The following ATP13A4 variants were observed in gnomAD, a reference collection of about 807,000 sequenced individuals.
The protein encoded by ATP13A4 is ATPase 13A4, also known as probable cation-transporting ATPase 13A4.
A neutral mutation model predicts 142.5 loss-of-function variants in ATP13A4; 114 were observed. The observed-to-expected ratio is 0.80, with a 90% confidence interval of 0.69 to 0.93. ATP13A4 has a LOEUF of 0.93. Ranked by LOEUF, ATP13A4 falls within the 40% of genes least tolerant of loss-of-function variation. The pLI, the probability that ATP13A4 is intolerant of heterozygous loss-of-function variation, is 0.00. For missense variants in ATP13A4, 1,392 were observed against 1,454.0 expected, an observed-to-expected ratio of 0.96 and a Z score of 0.69; for synonymous variants, 488 against 514.8, an observed-to-expected ratio of 0.95 and a Z score of 0.70.
At chr3:193,434,052 G>A (rs1716121359) in intron 24 of ATP13A4, 135 bp from the exon 25 acceptor site, 2 of 760,964 alleles carry the variant, frequency 2.6e-6, no homozygotes, top group Admixed American at 4.0e-5. Context: ...TTCGGGGCCT[G>A]GTTGAGTTGG....
chr3:193,459,145 A>C lies in ATP13A4; in HGVS notation c.1610T>G (p.Ile537Ser), dbSNP rs148189713. 28 of 1,614,094 alleles carry C rather than the reference A, an allele frequency of 1.7e-5. No individual in the cohort carries two copies. The highest frequency in any genetic ancestry group is 2.0e-5 in the Non-Finnish European group (24 of 1,180,048). ...CAAMASCHSL[I>S]LLDGTIQGDP... The stretch of plus-strand genomic sequence containing the variant: ...TCCCTGGATGGTCCCATCAAGAAGG[A>C]TCAGAGAGTGGCAGCTGGCCATCGC... Residue 537 changes from isoleucine (I) to serine (S), a missense_variant, in exon 14 of 30, where the codon ATC (isoleucine) becomes AGC (serine). Ile to Ser is a moderately radical substitution (Grantham distance 142). Coordinates refer to ENST00000342695, the MANE Select transcript of ATP13A4 (RefSeq NM_032279.4).
chr3:193,480,211 T>G (rs1004875665), intron 8 of ATP13A4, among the ~76,000 whole-genome samples: 3 of 152,158 alleles, frequency 2.0e-5, no homozygotes, highest in Non-Finnish European at 4.4e-5. Flanking sequence ...AGCCAAAGAC[T>G]TCATAACAAG....
chr3:193,536,494 C>A (rs999995976), intron 1 of ATP13A4, among the ~76,000 whole-genome samples: 1 of 151,946 alleles, frequency 6.6e-6, no homozygotes, highest in South Asian at 2.1e-4. Context: ...AAAGAGAATT[C>A]TTTCAACTTA....
chr3:193,443,560 GT>G (rs1313743526), intron 18 of ATP13A4, among the ~76,000 whole-genome samples: 7 of 152,136 alleles, frequency 4.6e-5, no homozygotes, highest in African/African-American at 1.7e-4. Flanking sequence ...AGGATTCAAA[GT>G]TTCATAACAT....
At chr3:193,476,274 T>C (rs936110579) in intron 8 of ATP13A4, among the ~76,000 whole-genome samples, 1 of 152,108 alleles carries the variant, frequency 6.6e-6, no homozygotes, top group African/African-American at 2.4e-5. Flanking sequence ...CCGTCCATTT[T>C]TATGTATGGA....
intron 3 of ATP13A4, among the ~76,000 whole-genome samples, chr3:193,493,973 A>G (rs1180851117): frequency 6.6e-6 from 1 of 152,064 alleles, no homozygotes; most frequent in African/African-American, 2.4e-5. Context: ...TGGAAACCAG[A>G]AAAGAGTAGA....
intron 22 of ATP13A4, 87 bp from the exon 23 acceptor site, chr3:193,438,671 CACAAGGTGG>C: frequency 4.3e-6 from 5 of 1,176,334 alleles, no homozygotes; most frequent in Non-Finnish European, 6.3e-6. Context: ...TTAAGCTGGC[CACAAGGTGG>C]TTTGTGTGCC....
intron 23 of ATP13A4, among the ~76,000 whole-genome samples, chr3:193,436,349 G>A (rs1452856200): frequency 1.3e-5 from 2 of 152,124 alleles, no homozygotes; most frequent in Non-Finnish European, 2.9e-5. Context: ...TGAATAAATA[G>A]TACACATTTA....
At chr3:193,554,574 A>G in intron 1 of ATP13A4, 166 bp downstream of exon 1, 2 of 815,456 alleles carry the variant, frequency 2.5e-6, no homozygotes, top group Non-Finnish European at 4.1e-6. Context: ...TACAGGATAG[A>G]GAGATTTCTC....
intron 9 of ATP13A4, among the ~76,000 whole-genome samples, chr3:193,469,445 G>A (rs1043233552): frequency 3.3e-5 from 5 of 152,116 alleles, no homozygotes; most frequent in East Asian, 3.9e-4. Flanking sequence ...GGCCAACATC[G>A]TGAAACGCCA....
At chr3:193,516,554 T>C (rs1721425585) in intron 1 of ATP13A4, among the ~76,000 whole-genome samples, 1 of 152,194 alleles carries the variant, frequency 6.6e-6, no homozygotes, top group African/African-American at 2.4e-5. Flanking sequence ...AGTGCCCTAG[T>C]CTTAATTTCC....
chr3:193,502,229 T>C (rs914707220), intron 3 of ATP13A4, among the ~76,000 whole-genome samples: 6 of 152,254 alleles, frequency 3.9e-5, no homozygotes, highest in African/African-American at 1.4e-4. Flanking sequence ...CTAAATTTAT[T>C]GAATTTTATC....
rs182791141 is a variant in ATP13A4, at chr3:193,491,820, C to G, written c.534-422G>C. On this transcript the variant is annotated intron_variant, in intron 5 of 29. Transcript: ENST00000342695. ...AAATGCTGTTTCTACTTTCCTACCC[C>G]TATTTAGAAGTTCTGGAAAACTTCA... Among the ~76,000 whole-genome samples, 199 of 152,226 alleles carry G rather than the reference C, an allele frequency of 1.3e-3. 3 individuals are homozygous for G. The East Asian group carries it at 0.018, about 14-fold the overall frequency.
intron 14 of ATP13A4, 33 bp from the exon 15 acceptor site, chr3:193,457,498 A>T (rs2108636322): frequency 6.3e-7 from 1 of 1,591,194 alleles, no homozygotes; most frequent in Non-Finnish European, 8.6e-7. Flanking sequence ...CATTGCAGAG[A>T]TTTATTTATT....
rs777884061 is a variant in ATP13A4, at chr3:193,554,757, C to T, written c.43G>A (p.Gly15Arg). ...EKGQHALLNE[G>R]EENEMEIFGY... is the part of the protein sequence containing the mutation. The stretch of plus-strand genomic sequence containing the variant: ...AATCTTACCATCTCATTCTCTTCTC[C>T]TTCATTGAGCAGAGCGTGCTGGCCC... The change falls in exon 1 of 30, where the codon GGA (glycine) becomes AGA (arginine). Residue 15 changes from glycine to arginine, a missense_variant. Coordinates refer to ENST00000342695, the MANE Select transcript of ATP13A4 (RefSeq NM_032279.4). 1 of 1,613,560 alleles carries T rather than the reference C, an allele frequency of 6.2e-7. No homozygotes were observed. The highest frequency in any genetic ancestry group is 1.7e-5 in the Admixed American group (1 of 59,954).
intron 25 of ATP13A4, among the ~76,000 whole-genome samples, chr3:193,415,549 C>A (rs536510357): frequency 2.6e-5 from 4 of 152,176 alleles, no homozygotes; most frequent in Non-Finnish European, 5.9e-5. Context: ...CAGAGGGAGA[C>A]CCTGGTCCCT....
At chr3:193,424,877 T>C (rs375477195) in intron 25 of ATP13A4, among the ~76,000 whole-genome samples, 3 of 149,220 alleles carry the variant, frequency 2.0e-5, no homozygotes, top group African/African-American at 7.4e-5. Context: ...AGTTAACAGA[T>C]TGAAGAGACA....
Position 193,466,070 on chromosome 3 carries a change from G to C in ATP13A4, c.1227C>G (p.Ala409=). ...IRFLLCLVGT[A]TIGMIYTLCV... ...ACAGAGTATAGATCATCCCAATGGT[G>C]GCTGTTCCTACAAGGCACAGGAGGA... Residue 409 remains alanine (A), a synonymous_variant, in exon 11 of 30, where the codon GCC becomes GCG. Transcript: ENST00000342695. 1 of 1,614,104 alleles carries C rather than the reference G, an allele frequency of 6.2e-7. No individual in the cohort carries two copies. The highest frequency in any genetic ancestry group is 1.3e-5 in the African/African-American group (1 of 75,032).
chr3:193,446,412 G>A (rs1167753849), intron 18 of ATP13A4, among the ~76,000 whole-genome samples: 1 of 152,048 alleles, frequency 6.6e-6, no homozygotes, highest in African/African-American at 2.4e-5. Context: ...GGTTTCCAGG[G>A]ATTGATTCTA....
Sources: allele counts gnomAD v4.1 joint callset (sites outside exome capture counted in the v4.1 genomes callset), GRCh38; gene constraint gnomAD v4.1.1; transcripts MANE v1.5; gene names NCBI Gene and HGNC (gene_info 2026-07-23, HGNC 2026-07-21).